Variants in ADAMTS6 observed in about 807,000 individuals in gnomAD.
The protein encoded by ADAMTS6 is A disintegrin and metalloproteinase with thrombospondin motifs 6.
Under a neutral mutation model 144.3 loss-of-function variants are expected in ADAMTS6, and 23 were observed. The observed-to-expected ratio is 0.16, with a 90% CI of 0.11 to 0.23. The LOEUF (loss-of-function observed/expected upper bound fraction) is 0.23, where lower values mean the gene tolerates loss of function less well. ADAMTS6 is among the 10% of genes least tolerant of loss of function. The pLI is 1.00. For synonymous variants in ADAMTS6, 444 were observed against 457.5 expected (o/e 0.97, Z 0.38); for missense variants, 999 against 1,379.6 (o/e 0.72, Z 4.37).
intron 9 of ADAMTS6, among the ~76,000 whole-genome samples, chr5:65,302,818 G>A (rs1580342302): frequency 6.6e-6 from 1 of 151,934 alleles, no homozygotes; most frequent in Non-Finnish European, 1.5e-5. Context: ...AATTTTATAC[G>A]TATCCCTGTT....
Position 65,299,982 on chromosome 5 carries a change from T to C in ADAMTS6, c.1370+3A>G, listed in dbSNP as rs1265245388. 6.2e-6 allele frequency: 10 copies of C among 1,612,478 alleles called. No individual in the cohort carries two copies. The highest frequency in any genetic ancestry group is 8.5e-6 in the Non-Finnish European group (10 of 1,179,426). ...TTATCATCACTCTCCAGAGATTACTTACTCTAGAAAGCTGGTGATGTAGTC... is the reference window on the plus strand; with the variant it reads ...TTATCATCACTCTCCAGAGATTACTCACTCTAGAAAGCTGGTGATGTAGTC... On this transcript the variant is annotated splice_donor_region_variant and intron_variant, in intron 10 of 24. Transcript: ENST00000381055.
intron 7 of ADAMTS6, among the ~76,000 whole-genome samples, chr5:65,352,793 C>T (rs1037166024): frequency 6.6e-6 from 1 of 152,002 alleles, no homozygotes; most frequent in African/African-American, 2.4e-5. Flanking sequence ...AGTAAGATAA[C>T]ACTGCCATCC....
chr5:65,194,113 T>A (rs1755182513), intron 21 of ADAMTS6, among the ~76,000 whole-genome samples: 1 of 152,146 alleles, frequency 6.6e-6, no homozygotes, highest in South Asian at 2.1e-4. Context: ...ACTCGTAAAG[T>A]TTTACTGAAT....
intron 7 of ADAMTS6, among the ~76,000 whole-genome samples, chr5:65,422,111 GA>G (rs910827565): frequency 1.2e-4 from 18 of 150,302 alleles, no homozygotes; most frequent in Non-Finnish European, 1.5e-4. Context: ...AAATCAGCAA[GA>G]AAAAAAAATC....
At chr5:65,398,340 T>C (rs758138346) in intron 7 of ADAMTS6, among the ~76,000 whole-genome samples, 1 of 152,254 alleles carries the variant, frequency 6.6e-6, no homozygotes, top group African/African-American at 2.4e-5. Flanking sequence ...AAGATTGTTA[T>C]GTCTCTTGCA....
At chr5:65,294,832 T>C (rs1742675177) in intron 10 of ADAMTS6, among the ~76,000 whole-genome samples, 1 of 151,838 alleles carries the variant, frequency 6.6e-6, no homozygotes, top group African/African-American at 2.4e-5. Flanking sequence ...ATCCCTCATT[T>C]CCCCCCACCC....
At chr5:65,200,574 T>C (rs563273558) in intron 20 of ADAMTS6, among the ~76,000 whole-genome samples, 5 of 152,162 alleles carry the variant, frequency 3.3e-5, no homozygotes, top group Non-Finnish European at 5.9e-5. Flanking sequence ...GACCAGTCAG[T>C]GTGTACCTAA....
At chr5:65,297,498 A>G (rs1380216064) in intron 10 of ADAMTS6, among the ~76,000 whole-genome samples, 1 of 152,216 alleles carries the variant, frequency 6.6e-6, no homozygotes, top group Non-Finnish European at 1.5e-5. Flanking sequence ...TAAACAATTC[A>G]TCTTTCAAGA....
chr5:65,236,653 T>G (rs1200911224), intron 15 of ADAMTS6, among the ~76,000 whole-genome samples: 1 of 152,058 alleles, frequency 6.6e-6, no homozygotes, highest in Non-Finnish European at 1.5e-5. Context: ...ATTTCAAATA[T>G]TTGGAAATTA....
intron 14 of ADAMTS6, among the ~76,000 whole-genome samples, chr5:65,244,758 C>G (rs910569435): frequency 1.1e-4 from 17 of 152,128 alleles, no homozygotes; most frequent in Non-Finnish European, 1.6e-4. Flanking sequence ...TACAAGGATA[C>G]TTTCACGATA....
intron 1 of ADAMTS6, among the ~76,000 whole-genome samples, chr5:65,480,056 TTTC>T (rs1370425326): frequency 1.3e-5 from 2 of 152,210 alleles, no homozygotes; most frequent in African/African-American, 4.8e-5. Context: ...CAAAATTAAT[TTTC>T]TTAATTTCTT....
intron 10 of ADAMTS6, among the ~76,000 whole-genome samples, chr5:65,297,696 C>G (rs931089121): frequency 7.9e-5 from 12 of 152,164 alleles, no homozygotes; most frequent in African/African-American, 2.9e-4. Context: ...AAGAAAGTTA[C>G]TGTTATGTCT....
intron 7 of ADAMTS6, among the ~76,000 whole-genome samples, chr5:65,404,140 T>C (rs1754202636): frequency 6.6e-6 from 1 of 152,062 alleles, no homozygotes; most frequent in Admixed American, 6.6e-5. Flanking sequence ...TAAGAAAATA[T>C]AATTCACTTA....
At chr5:65,260,442 G>C (rs1761079372) in intron 14 of ADAMTS6, among the ~76,000 whole-genome samples, 158 bp downstream of exon 14, 1 of 151,936 alleles carries the variant, frequency 6.6e-6, no homozygotes, top group South Asian at 2.1e-4. Context: ...TGGAATTGAT[G>C]GAGCTGAGGC....
chr5:65,322,836 T>C (rs1216758935), intron 9 of ADAMTS6, among the ~76,000 whole-genome samples: 2 of 152,154 alleles, frequency 1.3e-5, no homozygotes, highest in Non-Finnish European at 1.5e-5. Flanking sequence ...CAGGGATAGT[T>C]TGACTTCCTC....
intron 7 of ADAMTS6, among the ~76,000 whole-genome samples, chr5:65,424,109 C>A (rs1370549861): frequency 1.3e-5 from 2 of 152,114 alleles, no homozygotes; most frequent in Non-Finnish European, 2.9e-5. Flanking sequence ...CTCCAGGCTG[C>A]GACTACTTTT....
intron 21 of ADAMTS6, among the ~76,000 whole-genome samples, chr5:65,189,983 G>T (rs75265822): frequency 0.065 from 9,946 of 152,250 alleles, 472 homozygotes; most frequent in East Asian, 0.16. Flanking sequence ...ATTTCTCACT[G>T]TTTCTGTGAG....
intron 8 of ADAMTS6, among the ~76,000 whole-genome samples, chr5:65,333,025 T>C (rs1310227763): frequency 6.6e-6 from 1 of 152,150 alleles, no homozygotes; most frequent in Admixed American, 6.5e-5. Context: ...TCACTGAACT[T>C]CCCAGGCAGT....
intron 7 of ADAMTS6, among the ~76,000 whole-genome samples, chr5:65,359,720 G>C (rs1242905600): frequency 1.3e-5 from 2 of 152,060 alleles, no homozygotes; most frequent in Admixed American, 1.3e-4. Flanking sequence ...AGACAACACA[G>C]ATGAAGCTGG....
Sources: allele counts gnomAD v4.1 joint callset (sites outside exome capture counted in the v4.1 genomes callset), GRCh38; gene constraint gnomAD v4.1.1; transcripts MANE v1.5; gene names NCBI Gene and HGNC (gene_info 2026-07-23, HGNC 2026-07-21).